ENTPD5: variants seen among roughly 807,000 people sequenced by gnomAD.
ENTPD5 encodes the protein nucleoside diphosphate phosphatase ENTPD5.
Under a neutral mutation model 60.2 loss-of-function variants are expected in ENTPD5, and 49 were observed. The ratio of observed to expected loss-of-function variants is 0.81; its 90% CI spans 0.65 to 1.03. The LOEUF is 1.03. ENTPD5 is among the 50% of genes least tolerant of loss of function. The pLI, the probability that ENTPD5 is intolerant of heterozygous loss-of-function variation, is 0.00. For missense variants in ENTPD5, 480 were observed against 507.6 expected (o/e 0.95, Z 0.52); for synonymous variants, 187 against 185.4 (o/e 1.01, Z -0.07).
Position 73,970,102 on chromosome 14 carries a change from T to C in ENTPD5, c.1108A>G (p.Thr370Ala). The change falls in exon 15 of 16, where the codon ACC becomes GCC. Residue 370 changes from threonine to alanine, a missense_variant. Thr to Ala is a moderately conservative substitution (Grantham distance 58, BLOSUM62 0). Coordinates refer to ENST00000334696, the MANE Select transcript of ENTPD5 (RefSeq NM_001249.5). ...REVCDNLENF[T>A]SGSPFLCMDL... ...ATGCACAGGAAAGGACTGCCTGAGG[T>C]GAAGTTTTCCAAGTTATCACACACT... 1 of 1,613,542 alleles carries C rather than the reference T, an allele frequency of 6.2e-7. No individual in the cohort carries two copies. The highest frequency in any genetic ancestry group is 8.5e-7 in the Non-Finnish European group (1 of 1,179,602).
intron 6 of ENTPD5, 26 bp downstream of exon 6, chr14:73,982,992 A>G (rs2057753751): frequency 1.9e-6 from 3 of 1,608,172 alleles, no homozygotes; most frequent in African/African-American, 1.3e-5. Context: ...GGGCAGAATG[A>G]TCCAAGATGC....
intron 15 of ENTPD5, among the ~76,000 whole-genome samples, chr14:73,969,417 G>A (rs2057122120): frequency 1.3e-5 from 2 of 152,164 alleles, no homozygotes; most frequent in Non-Finnish European, 2.9e-5. Flanking sequence ...TGTGGGCCGG[G>A]TGCAGTGGCT....
chr14:73,961,656 A>G, downstream of ENTPD5: 3 of 1,604,380 alleles, frequency 1.9e-6, no homozygotes, highest in Non-Finnish European at 2.6e-6. Flanking sequence ...GGGAGTGGAC[A>G]TAAAATATAT....
At chr14:73,955,555 T>A (rs781576819), downstream of ENTPD5, 14 of 1,563,904 alleles carry the variant, frequency 9.0e-6, no homozygotes, top group East Asian at 2.9e-4. Context: ...TTGGTCTGTC[T>A]TAAGATATCG....
intron 3 of ENTPD5, among the ~76,000 whole-genome samples, chr14:74,005,302 A>T (rs991150354): frequency 4.3e-5 from 6 of 138,778 alleles, no homozygotes; most frequent in Middle Eastern, 3.7e-3. Flanking sequence ...AAAAAAGAAA[A>T]AAAGAAATAA....
chr14:74,005,611 C>G lies in ENTPD5; in HGVS notation c.-71+5480G>C, dbSNP rs533598869. The stretch of plus-strand genomic sequence containing the variant: ...TCACCTGAGGTCAGGAGTTCAAGAC[C>G]AGTCTGGCCAACATGGTGAATCCCC... On this transcript the variant is annotated intron_variant, in intron 3 of 15. Transcript: ENST00000334696. Among the ~76,000 whole-genome samples, 95 of 152,028 alleles carry G rather than the reference C, an allele frequency of 6.2e-4. 2 individuals carry two copies. In the South Asian group the frequency reaches 0.02, roughly 31 times the overall value.
chr14:74,008,419 C>G (rs1442015231), intron 3 of ENTPD5, among the ~76,000 whole-genome samples: 5 of 147,246 alleles, frequency 3.4e-5, no homozygotes, highest in Admixed American at 2.1e-4. Flanking sequence ...GACGGAGTCT[C>G]GCTCTGTCGC....
rs533117448 is a variant in ENTPD5 at position 74,002,389 on chromosome 14, A to G, written c.-71+8702T>C. On this transcript the variant is annotated intron_variant, in intron 3 of 15. Transcript: ENST00000334696. ...AAAGTGAGACTTCCATCAGGATGTG[A>G]AAGTCTTACAGCAGTCTGACCTTCT... 6.6e-4 allele frequency among the ~76,000 whole-genome samples: 100 copies of G among 152,106 alleles called. 1 individual carries two copies. The highest frequency in any genetic ancestry group is 8.4e-4 in the Non-Finnish European group (57 of 68,024).
chr14:74,009,256 T>C (rs2058772422), intron 3 of ENTPD5: 1 of 152,164 alleles, frequency 6.6e-6, no homozygotes, highest in South Asian at 2.1e-4. Context: ...AAAATCAGAA[T>C]GAAAATCTGA....
rs1211539990 is a variant in ENTPD5 at position 73,973,953 on chromosome 14, A to G, written c.810T>C (p.Ser270=). Residue 270 remains serine (S), a synonymous_variant, in exon 12 of 16, where the codon AGT becomes AGC. Coordinates refer to ENST00000334696, the MANE Select transcript of ENTPD5 (RefSeq NM_001249.5). The stretch of plus-strand genomic sequence containing the variant: ...CTTCCAACCATCTCGGTAAACAGGC[A>G]CTCCGGAAAGTGTGCCCATCAGTCC... ...TEGTDGHTFR[S]ACLPRWLEAE... 1.2e-6 allele frequency: 2 copies of G among 1,614,114 alleles called. No homozygotes were observed. The highest frequency in any genetic ancestry group is 1.7e-5 in the Admixed American group (1 of 59,996).
chr14:73,993,896 C>A (rs1212597802), intron 3 of ENTPD5, among the ~76,000 whole-genome samples: 2 of 148,190 alleles, frequency 1.3e-5, no homozygotes, highest in Non-Finnish European at 3.0e-5. Context: ...AAAAAACATC[C>A]TAGGTATCTG....
chr14:73,995,425 G>A (rs1239553595), intron 3 of ENTPD5, among the ~76,000 whole-genome samples: 1 of 151,854 alleles, frequency 6.6e-6, no homozygotes, highest in Non-Finnish European at 1.5e-5. Flanking sequence ...CACAGTAGAT[G>A]TTGAATGAAT....
chr14:74,002,920 T>TC (rs974129766), intron 3 of ENTPD5, among the ~76,000 whole-genome samples: 1 of 152,074 alleles, frequency 6.6e-6, no homozygotes, highest in African/African-American at 2.4e-5. Context: ...CACCTTACTC[T>TC]CCCCCAACAC....
intron 6 of ENTPD5, among the ~76,000 whole-genome samples, chr14:73,979,184 C>G (rs1196182903): frequency 6.6e-6 from 1 of 152,150 alleles, no homozygotes; most frequent in Admixed American, 6.6e-5. Context: ...CCTAAGATCT[C>G]TGATCAACTG....
At chr14:73,993,691 G>A (rs2058228528) in intron 3 of ENTPD5, among the ~76,000 whole-genome samples, 1 of 152,154 alleles carries the variant, frequency 6.6e-6, no homozygotes. Context: ...GTCCAACTCT[G>A]GGTCCCTCTT....
intron 8 of ENTPD5, 51 bp from the exon 9 acceptor site, chr14:73,976,463 A>G (rs1237732153): frequency 1.4e-6 from 2 of 1,421,932 alleles, no homozygotes; most frequent in African/African-American, 1.4e-5. Flanking sequence ...GGGCAGCCCA[A>G]CACTTGTCTC....
intron 15 of ENTPD5, among the ~76,000 whole-genome samples, chr14:73,968,739 T>A (rs932548412): frequency 6.6e-6 from 1 of 152,182 alleles, no homozygotes; most frequent in African/African-American, 2.4e-5. Flanking sequence ...TTACTGATAT[T>A]CTACATAAGT....
intron 3 of ENTPD5, chr14:73,996,518 A>C (rs921719243): frequency 4.6e-5 from 7 of 152,024 alleles, no homozygotes; most frequent in African/African-American, 1.2e-4. Flanking sequence ...AAAAAAAAAA[A>C]AAAACTTTAG....
intron 3 of ENTPD5, among the ~76,000 whole-genome samples, chr14:74,003,826 G>A (rs2058584449): frequency 6.6e-6 from 1 of 152,190 alleles, no homozygotes; most frequent in Non-Finnish European, 1.5e-5. Flanking sequence ...GCTGGGCATG[G>A]TGCCTCATGC....
Sources: allele counts gnomAD v4.1 joint callset (sites outside exome capture counted in the v4.1 genomes callset), GRCh38; gene constraint gnomAD v4.1.1; transcripts MANE v1.5; gene names NCBI Gene and HGNC (gene_info 2026-07-23, HGNC 2026-07-21).